The following CTBP2 variants were observed in gnomAD, a reference collection of about 807,000 sequenced individuals.
The protein encoded by CTBP2 is C-terminal-binding protein 2.
In CTBP2, 30 loss-of-function variants were observed where a neutral mutation model predicts 80.3. That is an observed-to-expected ratio of 0.37 (90% CI 0.28 to 0.51). The LOEUF (loss-of-function observed/expected upper bound fraction) is 0.51. Ranked by LOEUF, CTBP2 falls within the 20% of genes least tolerant of loss-of-function variation. The pLI is 0.93. For missense variants in CTBP2, 1,212 were observed against 1,375.3 expected, an observed-to-expected ratio of 0.88 and a Z score of 1.88; for synonymous variants, 594 against 587.4, an observed-to-expected ratio of 1.01 and a Z score of -0.16.
At chr10:124,991,858 G>A (rs1320290395) in intron 8 of CTBP2, among the ~76,000 whole-genome samples, 2 of 147,060 alleles carry the variant, frequency 1.4e-5, no homozygotes, top group Admixed American at 1.4e-4. Flanking sequence ...TTATGCATGA[G>A]GGGGCTACTG....
chr10:125,084,678 C>G (rs573209279), intron 2 of CTBP2, among the ~76,000 whole-genome samples: 1 of 152,164 alleles, frequency 6.6e-6, no homozygotes, highest in African/African-American at 2.4e-5. Context: ...TCTCCTTGCC[C>G]GTTCTGTGTC....
intron 2 of CTBP2, among the ~76,000 whole-genome samples, chr10:125,109,264 CAGGG>C (rs1851921309): frequency 6.6e-6 from 1 of 152,226 alleles, no homozygotes; most frequent in Non-Finnish European, 1.5e-5. Flanking sequence ...CCCAGGCAGG[CAGGG>C]CCTGGTACTT....
chr10:125,050,491 T>C (rs1036137994), intron 2 of CTBP2, among the ~76,000 whole-genome samples: 2 of 152,216 alleles, frequency 1.3e-5, no homozygotes, highest in Non-Finnish European at 2.9e-5. Context: ...AGGCTTTGTT[T>C]GGTATCCATG....
At chr10:125,021,115 A>G (rs1349664511) in intron 1 of CTBP2, among the ~76,000 whole-genome samples, 1 of 152,146 alleles carries the variant, frequency 6.6e-6, no homozygotes, top group African/African-American at 2.4e-5. Flanking sequence ...CTGGGGGACA[A>G]GTTTGGCCCC....
chr10:125,028,839 T>A (rs1957909138), upstream of CTBP2, among the ~76,000 whole-genome samples: 1 of 152,384 alleles, frequency 6.6e-6, no homozygotes, highest in Middle Eastern at 3.4e-3. Flanking sequence ...GCAGATGCTT[T>A]TCCATATTCA....
intron 1 of CTBP2, among the ~76,000 whole-genome samples, chr10:125,141,833 G>A (rs1373134467): frequency 2.0e-5 from 3 of 152,140 alleles, no homozygotes; most frequent in Non-Finnish European, 4.4e-5. Flanking sequence ...GCAAACACAC[G>A]ACATGCACAC....
intron 2 of CTBP2, among the ~76,000 whole-genome samples, chr10:125,042,158 T>C (rs1032991927): frequency 6.6e-6 from 1 of 152,166 alleles, no homozygotes; most frequent in Non-Finnish European, 1.5e-5. Flanking sequence ...TCCCCCGATA[T>C]CTCTTGTGCA....
chr10:125,040,222 A>T (rs1256217099), intron 2 of CTBP2, among the ~76,000 whole-genome samples: 1 of 152,160 alleles, frequency 6.6e-6, no homozygotes, highest in Non-Finnish European at 1.5e-5. Context: ...TGGGAGGCCG[A>T]GGCGGGCAGA....
chr10:125,008,454 T>C (rs1172538712), intron 1 of CTBP2, among the ~76,000 whole-genome samples: 1 of 152,208 alleles, frequency 6.6e-6, no homozygotes, highest in East Asian at 1.9e-4. Flanking sequence ...ATCACATTCA[T>C]GAGAAGAACC....
intron 1 of CTBP2, among the ~76,000 whole-genome samples, chr10:125,011,818 G>A (rs1955960935): frequency 6.6e-6 from 1 of 152,244 alleles, no homozygotes; most frequent in African/African-American, 2.4e-5. Flanking sequence ...AAAACCAAGA[G>A]TGATGTTAGG....
At chr10:125,073,904 C>A (rs188658650) in intron 2 of CTBP2, among the ~76,000 whole-genome samples, 1 of 152,316 alleles carries the variant, frequency 6.6e-6, no homozygotes, top group East Asian at 1.9e-4. Context: ...TTTCCCAGGA[C>A]GGTCTGTTCT....
chr10:124,996,483 TG>T (rs1370576230), intron 4 of CTBP2: 1 of 152,176 alleles, frequency 6.6e-6, no homozygotes, highest in Non-Finnish European at 1.5e-5. Context: ...GGATCCAGGG[TG>T]GTGGCGGCAG....
At chr10:125,083,464 G>A (rs1202974895) in intron 2 of CTBP2, among the ~76,000 whole-genome samples, 1 of 152,168 alleles carries the variant, frequency 6.6e-6, no homozygotes, top group Non-Finnish European at 1.5e-5. Flanking sequence ...CCCCGACCTG[G>A]GCGAGGATAC....
At chr10:125,153,401 C>T (rs1472342737) in intron 1 of CTBP2, among the ~76,000 whole-genome samples, 3 of 152,202 alleles carry the variant, frequency 2.0e-5, no homozygotes, top group East Asian at 3.9e-4. Flanking sequence ...GAACAAGCAG[C>T]GGATAAGCCG....
rs147244899 is a variant in CTBP2, at chr10:125,139,262, A to G, written c.-206+21057T>C. On this transcript the variant is annotated intron_variant, in intron 1 of 10. Transcript: ENST00000337195. ...GGCGCACACCCGTAATCCCAGCTAC[A>G]TGGGAGGTTGAGGCATGAATTGCTT... Among the ~76,000 whole-genome samples, 79 of 151,176 alleles carry G rather than the reference A, an allele frequency of 5.2e-4. No individual in the cohort carries two copies. The East Asian group carries it at 0.014, about 27-fold the overall frequency.
chr10:125,090,285 C>CAAAA (rs56714830), intron 2 of CTBP2, among the ~76,000 whole-genome samples: 3 of 65,400 alleles, frequency 4.6e-5, no homozygotes, highest in African/African-American at 1.4e-4. Flanking sequence ...GTCCCTGGCT[C>CAAAA]AAAAAAAAAA....
intron 8 of CTBP2, 103 bp from the exon 11 acceptor site, chr10:124,989,801 A>G (rs1952343683): frequency 1.8e-6 from 2 of 1,141,906 alleles, no homozygotes; most frequent in East Asian, 5.4e-5. Context: ...GAGCCCAGTG[A>G]CATGAACATG....
At chr10:125,114,975 G>A (rs749902828) in intron 1 of CTBP2, among the ~76,000 whole-genome samples, 11 of 152,082 alleles carry the variant, frequency 7.2e-5, no homozygotes, top group East Asian at 5.8e-4. Flanking sequence ...GCCAGCTCTC[G>A]TTAGGACTTG....
In CTBP2 at chr10:125,095,761, G is replaced by A. The variant is rs145302943; in HGVS notation, c.-102+15229C>T. Among the ~76,000 whole-genome samples, 159 of 152,344 alleles carry A rather than the reference G, an allele frequency of 1.0e-3. 1 individual carries two copies. Among genetic ancestry groups the A allele is most frequent in the African/African-American group, 3.4e-3 (142 of 41,572 alleles). On this transcript the variant is annotated intron_variant, in intron 2 of 10. Coordinates refer to the CTBP2 transcript ENST00000337195. ...CCTGGGGATTCAGGCTGGAGCAGAC[G>A]CTGAGCTTTGCAGACAGCACAGTTT... is the stretch of plus-strand genomic sequence containing the variant.
Sources: allele counts gnomAD v4.1 joint callset (sites outside exome capture counted in the v4.1 genomes callset), GRCh38; gene constraint gnomAD v4.1.1; transcripts MANE v1.5; gene names NCBI Gene and HGNC (gene_info 2026-07-23, HGNC 2026-07-21).